The following EXD2 variants were observed in gnomAD, a reference collection of about 807,000 sequenced individuals.
The protein encoded by EXD2 is exonuclease 3'-5' domain containing 2, also known as exonuclease 3'-5' domain-containing protein 2.
Under a neutral mutation model 62.5 loss-of-function variants are expected in EXD2, and 40 were observed. That is an observed-to-expected ratio of 0.64 (90% CI 0.50 to 0.83). The LOEUF is 0.83. Ranked by LOEUF, EXD2 falls within the 40% of genes least tolerant of loss-of-function variation. EXD2 has a pLI of 0.00. For synonymous variants in EXD2, 239 were observed against 291.9 expected, an observed-to-expected ratio of 0.82 and a Z score of 1.85; for missense variants, 671 against 761.8, an observed-to-expected ratio of 0.88 and a Z score of 1.40.
In EXD2 at chr14:69,220,574, A is replaced by T. The variant is rs1313152643; in HGVS notation, c.334-8242A>T. ...TGCTGGGCATTTTTTTTTTTTTTTT[A>T]AAGAGACAGAGTTGGGCCGGGTGCA... On this transcript the variant is annotated intron_variant, in intron 3 of 9. Coordinates refer to ENST00000685843, the MANE Select transcript of EXD2 (RefSeq NM_001193360.2). 7.4e-3 allele frequency among the ~76,000 whole-genome samples: 903 copies of T among 121,484 alleles called. 10 individuals carry two copies. Among genetic ancestry groups the T allele is most frequent in the African/African-American group, 0.025 (844 of 34,424 alleles). 79.7% of individuals were successfully genotyped at this position (121,484 alleles called of 152,430 possible).
chr14:69,211,385 A>G (rs893606350), intron 3 of EXD2, among the ~76,000 whole-genome samples: 3 of 151,296 alleles, frequency 2.0e-5, no homozygotes. Context: ...TTCCACCCCT[A>G]ATGCTATTTC....
intron 2 of EXD2, among the ~76,000 whole-genome samples, chr14:69,206,768 C>G (rs1357776347): frequency 6.6e-6 from 1 of 152,198 alleles, no homozygotes; most frequent in Non-Finnish European, 1.5e-5. Context: ...AGGCATGAGC[C>G]ACTGCGCCCA....
chr14:69,241,877 G>A lies in EXD2; in HGVS notation c.*777G>A. 2.5e-6 allele frequency: 1 copy of A among 399,038 alleles called. No individual in the cohort carries two copies. Among genetic ancestry groups the A allele is most frequent in the Non-Finnish European group, 4.4e-6 (1 of 226,084 alleles). The allele number at this position is 399,038 out of a possible 1,614,324, so 24.7% of individuals were successfully genotyped here. On this transcript the variant is annotated 3_prime_UTR_variant, in exon 10 of 10. Coordinates refer to ENST00000685843, the MANE Select transcript of EXD2 (RefSeq NM_001193360.2). ...CTTTCATGCTGTTTGTTGCCTGCTTGTTGCACTCCTCCTGCCCCAGAACTG... is the reference window on the plus strand; with the variant it reads ...CTTTCATGCTGTTTGTTGCCTGCTTATTGCACTCCTCCTGCCCCAGAACTG...
intron 3 of EXD2, among the ~76,000 whole-genome samples, chr14:69,213,709 G>A (rs2042897307): frequency 6.7e-6 from 1 of 148,928 alleles, no homozygotes; most frequent in African/African-American, 2.5e-5. Context: ...AGTCTCCAAG[G>A]CTGGAGTACA....
intron 3 of EXD2, among the ~76,000 whole-genome samples, chr14:69,227,244 A>G (rs1159813757): frequency 2.0e-5 from 3 of 152,168 alleles, no homozygotes; most frequent in South Asian, 2.1e-4. Context: ...GATATTGCCA[A>G]ATGTCTCTTG....
rs560118526 is a variant in EXD2 at position 69,242,546 on chromosome 14, C to T, written c.*1446C>T. ...ACCCACGTGCACATCCTGCATCTTG[C>T]TCTTCTGACCCTTCATTCCCACTTG... On this transcript the variant is annotated 3_prime_UTR_variant, in exon 10 of 10. Coordinates refer to ENST00000685843, the MANE Select transcript of EXD2 (RefSeq NM_001193360.2). 1 of 152,662 alleles carries T rather than the reference C, an allele frequency of 6.6e-6. No individual in the cohort carries two copies. Among genetic ancestry groups the T allele is most frequent in the African/African-American group, 2.4e-5 (1 of 41,598 alleles). 9.5% of individuals were successfully genotyped at this position (152,662 alleles called of 1,614,324 possible).
chr14:69,206,930 A>G (rs534699378), intron 2 of EXD2, among the ~76,000 whole-genome samples: 9 of 152,252 alleles, frequency 5.9e-5, no homozygotes, highest in African/African-American at 1.9e-4. Flanking sequence ...AAGGACTTTT[A>G]TGTCTTCTCA....
At chr14:69,212,444 T>C (rs1379287998) in intron 3 of EXD2, among the ~76,000 whole-genome samples, 3 of 152,054 alleles carry the variant, frequency 2.0e-5, no homozygotes, top group African/African-American at 7.2e-5. Context: ...TATTCCTCCA[T>C]TCCTGTTTTG....
chr14:69,234,815 G>A lies in EXD2; in HGVS notation c.833G>A (p.Arg278Lys). 7 of 1,614,200 alleles carry A rather than the reference G, an allele frequency of 4.3e-6. No individual in the cohort carries two copies. Among genetic ancestry groups the A allele is most frequent in the Non-Finnish European group, 5.9e-6 (7 of 1,180,042 alleles). The change falls in exon 6 of 10, where the codon AGA becomes AAA. Residue 278 changes from arginine (R) to lysine (K), a missense_variant. Physicochemically the swap from Arg to Lys is conservative, Grantham distance 26. Transcript: ENST00000685843. Reference protein sequence around the residue: ...GEKNDDHSSWRKVLEKCQGVV... With the variant: ...GEKNDDHSSWKKVLEKCQGVV... ...AAAAACGATGACCACAGTAGCTGGA[G>A]AAAAGTCTTGGAAAAATGCCAGGGT... is the stretch of plus-strand genomic sequence containing the variant.
intron 4 of EXD2, 110 bp from the exon 5 acceptor site, chr14:69,230,362 T>G: frequency 1.6e-6 from 1 of 608,174 alleles, no homozygotes; most frequent in South Asian, 2.6e-5. Context: ...CGATTTCTAG[T>G]GAGATTCAGT....
At chr14:69,194,297 C>G (rs928984280) in intron 1 of EXD2, among the ~76,000 whole-genome samples, 1 of 151,886 alleles carries the variant, frequency 6.6e-6, no homozygotes, top group African/African-American at 2.4e-5. Flanking sequence ...CACCACCTCG[C>G]TTGGCTAATT....
Position 69,242,331 on chromosome 14 carries a change from TTAA to T in EXD2, c.*1238_*1240del, listed in dbSNP as rs1463365979. 1.7e-5 allele frequency: 5 copies of T among 290,440 alleles called. No individual in the cohort carries two copies. Among genetic ancestry groups the T allele is most frequent in the South Asian group, 3.3e-4 (2 of 6,072 alleles). 18.0% of individuals were successfully genotyped at this position (290,440 alleles called of 1,614,324 possible). A position where few individuals can be genotyped will look rare whatever the true frequency, so the allele number is the denominator to read the frequency against. ...CAAGTTGGTGATGTTTACTCTAAAATTAATAATAAAACTACTTGTAAGCACAAG... is the reference window on the plus strand; with the variant it reads ...CAAGTTGGTGATGTTTACTCTAAAATTAATAAAACTACTTGTAAGCACAAG... On this transcript the variant is annotated 3_prime_UTR_variant, in exon 10 of 10. Coordinates refer to ENST00000685843, the MANE Select transcript of EXD2 (RefSeq NM_001193360.2).
At chr14:69,222,621 A>G (rs548761109) in intron 3 of EXD2, among the ~76,000 whole-genome samples, 1 of 152,178 alleles carries the variant, frequency 6.6e-6, no homozygotes, top group African/African-American at 2.4e-5. Context: ...TCTCTTCTGT[A>G]TCCACCCCAG....
In EXD2 at chr14:69,209,442, T is replaced by G. The variant is rs2042729384; in HGVS notation, c.-29T>G. ...TTTGCAGATTGTGGGATTAGTGATA[T>G]GCTTTTCTAAAGAGTAGAAAAGTCG... On this transcript the variant is annotated 5_prime_UTR_variant, in exon 3 of 10. The change abolishes an upstream ATG in the 5' untranslated region. Transcript: ENST00000685843. The G allele has an allele frequency of 6.9e-7, 1 of 1,458,258 alleles. No homozygotes were observed. The highest frequency in any genetic ancestry group is 2.5e-5 in the East Asian group (1 of 39,988). 90.3% of individuals were successfully genotyped at this position (1,458,258 alleles called of 1,614,324 possible).
chr14:69,220,363 C>T lies in EXD2; in HGVS notation c.334-8453C>T, dbSNP rs143517128. Among the ~76,000 whole-genome samples, 380 of 141,302 alleles carry T rather than the reference C, an allele frequency of 2.7e-3. 1 individual carries two copies. Among genetic ancestry groups the T allele is most frequent in the African/African-American group, 9.1e-3 (348 of 38,398 alleles). 92.7% of individuals were successfully genotyped at this position (141,302 alleles called of 152,430 possible). A position where few individuals can be genotyped will look rare whatever the true frequency, so the allele number is the denominator to read the frequency against. On this transcript the variant is annotated intron_variant, in intron 3 of 9. Transcript: ENST00000685843. ...TTGGCTCACTTCAAGCTCCACCTCC[C>T]GGGTTCACGCCATACTCCTGCCTCA...
At chr14:69,210,384 A>G (rs2042767114) in intron 3 of EXD2, among the ~76,000 whole-genome samples, 1 of 152,254 alleles carries the variant, frequency 6.6e-6, no homozygotes, top group South Asian at 2.1e-4. Flanking sequence ...TTTTGCTTGC[A>G]TCATCTAATT....
intron 3 of EXD2, among the ~76,000 whole-genome samples, chr14:69,212,387 A>T (rs2042837903): frequency 1.3e-5 from 2 of 152,192 alleles, no homozygotes; most frequent in South Asian, 4.1e-4. Flanking sequence ...TCTCAAAAAA[A>T]GAAAAAACGA....
At chr14:69,213,084 CTTTT>C (rs71102636) in intron 3 of EXD2, among the ~76,000 whole-genome samples, 2 of 126,602 alleles carry the variant, frequency 1.6e-5, no homozygotes, top group African/African-American at 2.9e-5. Context: ...TTCTTCTTTT[CTTTT>C]TTTTTTTTTT....
At chr14:69,223,206 T>G (rs868052739) in intron 3 of EXD2, among the ~76,000 whole-genome samples, 3 of 152,206 alleles carry the variant, frequency 2.0e-5, no homozygotes, top group Non-Finnish European at 2.9e-5. Context: ...TTGTATGGCT[T>G]TAAATACCAT....
Sources: allele counts gnomAD v4.1 joint callset (sites outside exome capture counted in the v4.1 genomes callset), GRCh38; gene constraint gnomAD v4.1.1; transcripts MANE v1.5; gene names NCBI Gene and HGNC (gene_info 2026-07-23, HGNC 2026-07-21).